PDE1C: variants seen among roughly 807,000 people sequenced by gnomAD.
PDE1C encodes dual specificity calcium/calmodulin-dependent 3',5'-cyclic nucleotide phosphodiesterase 1C.
Under a neutral mutation model 93.1 loss-of-function variants are expected in PDE1C, and 62 were observed. The ratio of observed to expected loss-of-function variants is 0.67; its 90% CI spans 0.54 to 0.82. The LOEUF (loss-of-function observed/expected upper bound fraction) is 0.82. Ranked by LOEUF, PDE1C falls within the 40% of genes least tolerant of loss-of-function variation. The pLI, the probability that PDE1C is intolerant of heterozygous loss-of-function variation, is 0.00. For synonymous variants in PDE1C, 325 were observed against 310.1 expected, an observed-to-expected ratio of 1.05 and a Z score of -0.50; for missense variants, 742 against 884.6, an observed-to-expected ratio of 0.84 and a Z score of 2.04.
intron 3 of PDE1C, among the ~76,000 whole-genome samples, chr7:32,159,513 G>C (rs1482073864): frequency 6.6e-6 from 1 of 152,178 alleles, no homozygotes; most frequent in Non-Finnish European, 1.5e-5. Context: ...ATCATGGAAA[G>C]TTGTAAGGGG....
intron 2 of PDE1C, among the ~76,000 whole-genome samples, chr7:32,180,047 A>C (rs1034575115): frequency 2.0e-5 from 3 of 152,222 alleles, no homozygotes; most frequent in African/African-American, 7.2e-5. Flanking sequence ...GATACATAGG[A>C]ATTAGGAATG....
At chr7:31,619,450 TA>T in the PDE1C span, among the ~76,000 whole-genome samples, 2 of 152,304 alleles carry the variant, frequency 1.3e-5, no homozygotes, top group Admixed American at 1.3e-4. Context: ...GTTTCAACTG[TA>T]TGTGTAGAGC....
At chr7:31,854,591 TGAG>T in intron 7 of PDE1C, among the ~76,000 whole-genome samples, 1 of 152,134 alleles carries the variant, frequency 6.6e-6, no homozygotes, top group East Asian at 1.9e-4. Flanking sequence ...TAGGGGCAGA[TGAG>T]GAGACATGGG....
At chr7:32,050,623 T>C (rs971430223) in intron 2 of PDE1C, among the ~76,000 whole-genome samples, 5 of 152,116 alleles carry the variant, frequency 3.3e-5, no homozygotes, top group Non-Finnish European at 7.3e-5. Context: ...TTTAGATATA[T>C]ATATAATTTT....
intron 2 of PDE1C, among the ~76,000 whole-genome samples, chr7:32,046,670 T>C (rs1272043332): frequency 6.6e-6 from 1 of 152,178 alleles, no homozygotes; most frequent in Non-Finnish European, 1.5e-5. Context: ...TGACTATCAG[T>C]ATAATATGAT....
chr7:31,888,586 C>T (rs1204415368), intron 2 of PDE1C, among the ~76,000 whole-genome samples: 1 of 151,888 alleles, frequency 6.6e-6, no homozygotes, highest in Non-Finnish European at 1.5e-5. Flanking sequence ...ATCATAAATT[C>T]CTTTCTGAAG....
the PDE1C span, among the ~76,000 whole-genome samples, chr7:31,629,199 A>G: frequency 2.9e-3 from 435 of 152,356 alleles, 3 homozygotes; most frequent in East Asian, 0.012. Flanking sequence ...TTGCTATTCA[A>G]AATCGGATCT....
intron 3 of PDE1C, among the ~76,000 whole-genome samples, chr7:32,164,204 C>T (rs1430456198): frequency 1.3e-5 from 2 of 152,082 alleles, no homozygotes; most frequent in African/African-American, 4.8e-5. Flanking sequence ...ACAGGATTCC[C>T]CAAGGAATTC....
intron 1 of PDE1C, among the ~76,000 whole-genome samples, chr7:32,223,424 C>T (rs1292070521): frequency 6.6e-6 from 1 of 152,094 alleles, no homozygotes; most frequent in Non-Finnish European, 1.5e-5. Context: ...GTTAGGTGAC[C>T]CACCAAGGCC....
chr7:32,366,921 T>C (rs215708), intron 1 of PDE1C, among the ~76,000 whole-genome samples: 139,157 of 151,162 alleles, frequency 0.92, 64,594 homozygotes, highest in East Asian at 1. Flanking sequence ...CCCAGCTACT[T>C]GGGAGGCTGA....
chr7:32,099,524 A>T (rs1439680442), intron 3 of PDE1C, among the ~76,000 whole-genome samples: 3 of 152,202 alleles, frequency 2.0e-5, no homozygotes, highest in Non-Finnish European at 2.9e-5. Flanking sequence ...CATCTTTTTC[A>T]TGTTCTGTAC....
At chr7:32,387,303 T>C (rs556594926) in intron 1 of PDE1C, among the ~76,000 whole-genome samples, 18 of 152,038 alleles carry the variant, frequency 1.2e-4, no homozygotes, top group Admixed American at 8.5e-4. Flanking sequence ...AACCATCCGA[T>C]TTCTCAATTT....
chr7:31,934,919 G>T (rs1436979622), intron 2 of PDE1C, among the ~76,000 whole-genome samples: 3 of 152,074 alleles, frequency 2.0e-5, no homozygotes, highest in Non-Finnish European at 4.4e-5. Flanking sequence ...ACAATTTCAT[G>T]GGGAGAAAAT....
At chr7:31,828,619 G>A (rs1390814945) in intron 11 of PDE1C, among the ~76,000 whole-genome samples, 2 of 152,172 alleles carry the variant, frequency 1.3e-5, no homozygotes, top group Admixed American at 1.3e-4. Context: ...GCCTCATTGG[G>A]CAGTACTAGG....
chr7:31,652,846 T>A, the PDE1C span: 1 of 1,602,386 alleles, frequency 6.2e-7, no homozygotes, highest in Non-Finnish European at 8.5e-7. Context: ...GCAGGTTTGT[T>A]AACCTTCATA....
the PDE1C span, chr7:31,643,989 T>G: frequency 1.9e-6 from 3 of 1,558,002 alleles, no homozygotes; most frequent in Non-Finnish European, 2.6e-6. Flanking sequence ...GAAAGGCAGA[T>G]GCACCCGTGA....
rs552240104 is a variant in PDE1C, at chr7:32,298,565, C to G, written c.85+86G>C. The G allele has an allele frequency of 6.7e-6, 10 of 1,488,896 alleles. No homozygotes were observed. In the South Asian group the frequency reaches 1.1e-4, roughly 17 times the overall value. The allele number at this position is 1,488,896 out of a possible 1,614,324, so 92.2% of individuals were successfully genotyped here. A position where few individuals can be genotyped will look rare whatever the true frequency, so the allele number is the denominator to read the frequency against. On this transcript the variant is annotated intron_variant, in intron 1 of 18. Coordinates refer to the PDE1C transcript ENST00000396193. ...GCCCCAGCCCGACCCCTGAGCTCCC[C>G]CTGCCCGCTTAGAAAGGAACTCTGA...
the PDE1C span, among the ~76,000 whole-genome samples, chr7:31,689,207 G>A: frequency 6.6e-6 from 1 of 152,164 alleles, no homozygotes; most frequent in Admixed American, 6.5e-5. Flanking sequence ...TTAGAATTCA[G>A]AGCCCACACT....
At chr7:31,876,968 C>T (rs1359120535) in intron 5 of PDE1C, among the ~76,000 whole-genome samples, 1 of 152,186 alleles carries the variant, frequency 6.6e-6, no homozygotes, top group African/African-American at 2.4e-5. Context: ...CCAAGGGGCT[C>T]TTTCTTGACA....
Sources: gnomAD v4.1 joint callset for allele counts (sites outside exome capture counted in the v4.1 genomes callset) on GRCh38, gnomAD v4.1.1 for gene constraint, MANE v1.5 for transcripts, NCBI Gene and HGNC (gene_info 2026-07-23, HGNC 2026-07-21) for gene names.